PER2: variants seen among roughly 807,000 people sequenced by gnomAD.
PER2 encodes the protein period circadian regulator 2, also known as period circadian protein homolog 2.
In PER2, 66 loss-of-function variants were observed where a neutral mutation model predicts 121.0. That is an observed-to-expected ratio of 0.55 (90% confidence interval 0.45 to 0.67). The LOEUF is 0.67. PER2 is among the 30% of genes least tolerant of loss of function. PER2 has a pLI of 0.00. For synonymous variants in PER2, 684 were observed against 659.9 expected (o/e 1.04, Z -0.56); for missense variants, 1,521 against 1,635.0 (o/e 0.93, Z 1.20).
chr2:238,275,685 T>C (rs1026496842), intron 4 of PER2, 58 bp downstream of exon 4: 2 of 1,545,890 alleles, frequency 1.3e-6, no homozygotes, highest in Non-Finnish European at 1.8e-6. Context: ...AGCTATAATT[T>C]GGGGGGATTT....
At position 238,245,246 on chromosome 2, in the gene PER2, C is replaced by A; in HGVS notation, c.*1129G>T. ...AGCCGGGCAGACTGGCCTCACTTTT[C>A]CCCAAGTGTCCAAATGACCTAAAAG... On this transcript the variant is annotated 3_prime_UTR_variant, in exon 23 of 23. Coordinates refer to ENST00000254657, the MANE Select transcript of PER2 (RefSeq NM_022817.3). 3.8e-6 allele frequency: 1 copy of A among 262,410 alleles called. No homozygotes were observed. The highest frequency in any genetic ancestry group is 6.5e-5 in the East Asian group (1 of 15,302). The allele number at this position is 262,410 out of a possible 1,614,324, so 16.3% of individuals were successfully genotyped here.
upstream of PER2, among the ~76,000 whole-genome samples, chr2:238,293,515 A>G (rs1696996889): frequency 6.6e-6 from 1 of 152,094 alleles, no homozygotes; most frequent in Non-Finnish European, 1.5e-5. Flanking sequence ...CAGGCAGATC[A>G]CCTGAGGTCA....
chr2:238,287,843 C>G (rs569944897), intron 1 of PER2, among the ~76,000 whole-genome samples: 23 of 152,320 alleles, frequency 1.5e-4, no homozygotes, highest in African/African-American at 5.5e-4. Context: ...AAGCAGGCCA[C>G]CTCCCACCCC....
intron 1 of PER2, among the ~76,000 whole-genome samples, chr2:238,284,666 G>A (rs1696732015): frequency 6.6e-6 from 1 of 152,138 alleles, no homozygotes; most frequent in African/African-American, 2.4e-5. Flanking sequence ...TTTGCACGTA[G>A]CTCTCCTGGT....
chr2:238,253,131 G>A lies in PER2; in HGVS notation c.2892C>T (p.Ala964=), dbSNP rs974115926. 2 of 1,603,348 alleles carry A rather than the reference G, an allele frequency of 1.2e-6. No individual in the cohort carries two copies. The highest frequency in any genetic ancestry group is 3.4e-5 in the Admixed American group (2 of 59,634). Residue 964 remains alanine (A), a synonymous_variant, in exon 19 of 23, where the codon GCC becomes GCT. Transcript: ENST00000254657. This position sits in a 1 kb window ranked among gnomAD's most constrained non-coding sequence, Gnocchi z 5.6. Reference sequence around the variant, plus strand: ...TGGCCGATGGTGGGGTGGCCCGGGTGGCTGGACAAGCACATGGCTGTCTGG... The same window carrying A: ...TGGCCGATGGTGGGGTGGCCCGGGTAGCTGGACAAGCACATGGCTGTCTGG... The part of the protein sequence containing the change: ...SIPRQPCACP[A]TRATPPSAMG...
upstream of PER2, among the ~76,000 whole-genome samples, chr2:238,294,111 C>T (rs1004268556): frequency 3.3e-5 from 5 of 152,210 alleles, no homozygotes; most frequent in Non-Finnish European, 5.9e-5. Context: ...CCTCCACGTC[C>T]GAGGCATCTC....
chr2:238,247,795 T>G (rs150949395), intron 22 of PER2, among the ~76,000 whole-genome samples: 1 of 152,192 alleles, frequency 6.6e-6, no homozygotes, highest in East Asian at 1.9e-4. Context: ...AAGATGTGGA[T>G]AGGTGGTCAG....
At chr2:238,255,969 C>T in intron 17 of PER2, 58 bp from the exon 18 acceptor site, 1 of 1,591,884 alleles carries the variant, frequency 6.3e-7, no homozygotes, top group Non-Finnish European at 8.6e-7. Context: ...TATTTTAAGG[C>T]CACACTATAT....
chr2:238,265,646 T>C (rs913293924), intron 8 of PER2, 56 bp from the exon 9 acceptor site: 2 of 1,105,160 alleles, frequency 1.8e-6, no homozygotes. Context: ...ATATTTGATG[T>C]TATATTAAAA....
chr2:238,277,339 T>G (rs1696486100), intron 2 of PER2, 146 bp from the exon 3 acceptor site: 1 of 718,914 alleles, frequency 1.4e-6, no homozygotes, highest in East Asian at 2.5e-5. Flanking sequence ...AAAACTGGAA[T>G]ATAAAACCTT....
chr2:238,255,419 C>T, intron 18 of PER2: 1 of 592,464 alleles, frequency 1.7e-6, no homozygotes, highest in Non-Finnish European at 3.0e-6. Flanking sequence ...TGGTTCTTCC[C>T]ACCTCGGGCA....
chr2:238,286,938 A>G (rs1023581790), intron 1 of PER2, among the ~76,000 whole-genome samples: 11 of 152,274 alleles, frequency 7.2e-5, no homozygotes, highest in Admixed American at 7.2e-4. Flanking sequence ...AGGCAAGAGC[A>G]TATCAGAAGC....
chr2:238,266,987 G>A (rs535569218), intron 8 of PER2, among the ~76,000 whole-genome samples: 1 of 150,910 alleles, frequency 6.6e-6, no homozygotes, highest in African/African-American at 2.4e-5. Flanking sequence ...GGCGGAGGTT[G>A]CAGTGAGCCA....
At chr2:238,283,576 G>A (rs1222393436) in intron 1 of PER2, among the ~76,000 whole-genome samples, 1 of 152,222 alleles carries the variant, frequency 6.6e-6, no homozygotes, top group East Asian at 1.9e-4. Context: ...GAGCAGAGCG[G>A]GCAGCGGTAG....
chr2:238,288,349 C>G lies in PER2; in HGVS notation c.-20G>C, dbSNP rs904829315. ...CGGTGCCCTACACACGCTGCCTCAC[C>G]TTTCGGACCTCAGGCTCCTGAGCTG... On this transcript the variant is annotated splice_region_variant and 5_prime_UTR_variant, in exon 1 of 23. Transcript: ENST00000254657. The G allele has an allele frequency of 6.6e-6, 1 of 152,256 alleles. No homozygotes were observed. Among genetic ancestry groups the G allele is most frequent in the Admixed American group, 6.5e-5 (1 of 15,288 alleles). The allele number at this position is 152,256 out of a possible 1,614,324, so 9.4% of individuals were successfully genotyped here. A position where few individuals can be genotyped will look rare whatever the true frequency, so the allele number is the denominator to read the frequency against.
In PER2 at chr2:238,256,915, G is replaced by C. The variant is rs1267048026; in HGVS notation, c.2065+7C>G. ...CTGCTCTCTGATCCAAGAGCCCATA[G>C]TCATACCTAACTCCGGCTGCGGCTT... is the stretch of plus-strand genomic sequence containing the variant. On this transcript the variant is annotated splice_region_variant and intron_variant, in intron 17 of 22. Transcript: ENST00000254657. 1 of 1,613,520 alleles carries C rather than the reference G, an allele frequency of 6.2e-7. No individual in the cohort carries two copies. Among genetic ancestry groups the C allele is most frequent in the Non-Finnish European group, 8.5e-7 (1 of 1,179,522 alleles).
At chr2:238,298,486 T>C in the PER2 span, 1 of 152,160 alleles carries the variant, frequency 6.6e-6, no homozygotes, top group Admixed American at 6.5e-5. Context: ...TCACAGGGTC[T>C]CCATACCTCT....
intron 9 of PER2, among the ~76,000 whole-genome samples, chr2:238,264,103 A>G (rs1696023260): frequency 6.6e-6 from 1 of 152,178 alleles, no homozygotes; most frequent in East Asian, 1.9e-4. Flanking sequence ...GGCTTCATCA[A>G]GGAGAGCTTG....
rs1695678047 is a variant in PER2, at chr2:238,253,604, A to T, written c.2419T>A (p.Ser807Thr). The T allele has an allele frequency of 6.2e-7, 1 of 1,610,048 alleles. No individual in the cohort carries two copies. Among genetic ancestry groups the T allele is most frequent in the Admixed American group, 1.7e-5 (1 of 59,614 alleles). ...CCCCCAGATCCGGTGCTCTCAGATG[A>T]GTCTCGAGGTTTGACCCGCTTGGAC... ...LKSKRVKPRDSSESTGSGGPV... is the reference protein window; with the variant it reads ...LKSKRVKPRDTSESTGSGGPV... The change falls in exon 19 of 23, where the codon TCA (serine) becomes ACA (threonine). Residue 807 changes from serine (S) to threonine (T), a missense_variant. Transcript: ENST00000254657. The surrounding 1 kb of genome is among the most constrained non-coding windows in gnomAD (Gnocchi z 5.6).
Sources: gnomAD v4.1 joint callset for allele counts (sites outside exome capture counted in the v4.1 genomes callset) on GRCh38, gnomAD v4.1.1 for gene constraint, Gnocchi (gnomAD v3.1) non-coding constraint, MANE v1.5 for transcripts, NCBI Gene and HGNC (gene_info 2026-07-23, HGNC 2026-07-21) for gene names.